RSL24D1: variants seen among roughly 807,000 people sequenced by gnomAD.
RSL24D1 encodes the protein probable ribosome biogenesis protein RLP24.
RSL24D1 carries 6 observed loss-of-function variants against 26.2 expected under a neutral mutation model. That is an observed-to-expected ratio of 0.23 (90% CI 0.13 to 0.45). The LOEUF (loss-of-function observed/expected upper bound fraction) is 0.45. Ranked by LOEUF, RSL24D1 falls within the 20% of genes least tolerant of loss-of-function variation. RSL24D1 has a pLI of 0.99. For missense variants in RSL24D1, 176 were observed against 202.6 expected (o/e 0.87, Z 0.80); for synonymous variants, 61 against 59.1 (o/e 1.03, Z -0.15).
Position 55,182,225 on chromosome 15 carries a change from C to G in RSL24D1, c.419G>C (p.Gly140Ala), listed in dbSNP as rs1458479049. The G allele has an allele frequency of 6.3e-7, 1 of 1,591,096 alleles. No homozygotes were observed. The highest frequency in any genetic ancestry group is 8.6e-7 in the Non-Finnish European group (1 of 1,160,014). ...NIHLIRAPLA[G>A]KGKQLEEKMV... ...TTTCTCTTCCAACTGTTTCCCTTTG[C>G]CTTTAATAAAAATAAGTAAAAAATA... The change falls in exon 6 of 6, where the codon GGC becomes GCC. Residue 140 changes from glycine (G) to alanine (A), a missense_variant and splice_region_variant. Coordinates refer to ENST00000260443, the MANE Select transcript of RSL24D1 (RefSeq NM_016304.3).
At position 55,181,110 on chromosome 15, in the gene RSL24D1, T is replaced by G. The variant is rs1894161252; in HGVS notation, c.*1042A>C. The G allele has an allele frequency of 6.6e-6, 1 of 152,170 alleles. No individual in the cohort carries two copies. Among genetic ancestry groups the G allele is most frequent in the South Asian group, 2.1e-4 (1 of 4,828 alleles). The allele number at this position is 152,170 out of a possible 1,614,324, so 9.4% of individuals were successfully genotyped here. A position where few individuals can be genotyped will look rare whatever the true frequency, so the allele number is the denominator to read the frequency against. On this transcript the variant is annotated 3_prime_UTR_variant, in exon 6 of 6. Transcript: ENST00000260443. ...AAACTCTACCCTAAAAAAACCATTATGCAAACTGATCGTTACTTAATGTAT... is the reference window on the plus strand; with the variant it reads ...AAACTCTACCCTAAAAAAACCATTAGGCAAACTGATCGTTACTTAATGTAT...
rs1008582848 is a variant in RSL24D1 at position 55,189,554 on chromosome 15, G to A, written c.268+1421C>T. On this transcript the variant is annotated intron_variant, in intron 3 of 5. Coordinates refer to ENST00000260443, the MANE Select transcript of RSL24D1 (RefSeq NM_016304.3). ...TTTAGAACAAGCTTGACCAACCCAC[G>A]GCCCAATATAAATTCGTAAACTTTC... Among the ~76,000 whole-genome samples the A allele has an allele frequency of 1.2e-4, 19 of 152,212 alleles. 1 individual carries two copies. The highest frequency in any genetic ancestry group is 7.8e-4 in the Admixed American group (12 of 15,296).
rs536573591 is a variant in RSL24D1, at chr15:55,181,144, C to G, written c.*1008G>C. 1.3e-5 allele frequency: 2 copies of G among 152,270 alleles called. No individual in the cohort carries two copies. Among genetic ancestry groups the G allele is most frequent in the South Asian group, 4.1e-4 (2 of 4,828 alleles). The allele number at this position is 152,270 out of a possible 1,614,324, so 9.4% of individuals were successfully genotyped here. ...ATCGTTACTTAATGTATTTAACATA[C>G]TTAAAACTGTAAACAATGTAAAAAC... is the stretch of plus-strand genomic sequence containing the variant. On this transcript the variant is annotated 3_prime_UTR_variant, in exon 6 of 6. Transcript: ENST00000260443.
chr15:55,192,553 T>C (rs560256172), intron 2 of RSL24D1, 167 bp downstream of exon 2: 14 of 479,238 alleles, frequency 2.9e-5, no homozygotes, highest in Non-Finnish European at 4.9e-5. Context: ...GAATTACAGT[T>C]TTAAGGATCA....
rs189715096 is a variant in RSL24D1, at chr15:55,183,314, C to T, written c.418+1G>A. On this transcript the variant is annotated splice_donor_variant, in intron 5 of 5. Transcript: ENST00000260443. LOFTEE classifies it high-confidence loss of function. ...ATCTAGATGTGCAATGTAGTACTCA[C>T]CTGCAAGAGGGGCTCGGATAAGATG... is the stretch of plus-strand genomic sequence containing the variant. The T allele has an allele frequency of 6.2e-7, 1 of 1,610,832 alleles. No individual in the cohort carries two copies.
In RSL24D1 at chr15:55,181,289, T is replaced by G. The variant is rs1894163271; in HGVS notation, c.*863A>C. The G allele has an allele frequency of 6.6e-6, 1 of 152,588 alleles. No homozygotes were observed. Among genetic ancestry groups the G allele is most frequent in the African/African-American group, 2.4e-5 (1 of 41,468 alleles). The allele number at this position is 152,588 out of a possible 1,614,324, so 9.5% of individuals were successfully genotyped here. ...ATCAATATTTCATATCTTTGTTTAG[T>G]GCCTTTAAAGAATAAATATCAGCAT... is the stretch of plus-strand genomic sequence containing the variant. On this transcript the variant is annotated 3_prime_UTR_variant, in exon 6 of 6. Transcript: ENST00000260443.
chr15:55,189,688 T>A (rs1203348834), intron 3 of RSL24D1, among the ~76,000 whole-genome samples: 1 of 152,208 alleles, frequency 6.6e-6, no homozygotes, highest in South Asian at 2.1e-4. Flanking sequence ...TCTTCCAATG[T>A]GGCCCAGGGA....
intron 1 of RSL24D1, chr15:55,196,596 T>A (rs1595655215): frequency 1.7e-6 from 1 of 597,700 alleles, no homozygotes; most frequent in South Asian, 2.0e-5. Context: ...CACCCAAGGG[T>A]GGCGTGGTGG....
Position 55,182,283 on chromosome 15 carries a change from C to G in RSL24D1, c.419-58G>C. 2.9e-6 allele frequency: 3 copies of G among 1,027,388 alleles called. 1 individual carries two copies. The East Asian group carries it at 7.4e-5, about 25-fold the overall frequency. 63.6% of individuals were successfully genotyped at this position (1,027,388 alleles called of 1,614,324 possible). A position where few individuals can be genotyped will look rare whatever the true frequency, so the allele number is the denominator to read the frequency against. On this transcript the variant is annotated intron_variant, in intron 5 of 5. Coordinates refer to ENST00000260443, the MANE Select transcript of RSL24D1 (RefSeq NM_016304.3). ...TAATTAAATGTGACCTTACAGAATTCACACCAACACTTTATAAAGGATCTT... is the reference window on the plus strand; with the variant it reads ...TAATTAAATGTGACCTTACAGAATTGACACCAACACTTTATAAAGGATCTT...
At chr15:55,183,174 C>A in intron 5 of RSL24D1, 141 bp downstream of exon 5, 1 of 599,448 alleles carries the variant, frequency 1.7e-6, no homozygotes, top group South Asian at 2.6e-5. Flanking sequence ...GGGAAATACA[C>A]TGAATAAATT....
At chr15:55,195,907 C>T (rs1595654916) in intron 1 of RSL24D1, among the ~76,000 whole-genome samples, 1 of 152,154 alleles carries the variant, frequency 6.6e-6, no homozygotes, top group Admixed American at 6.5e-5. Context: ...TTCTTAGACC[C>T]TCTTCCCCTC....
At chr15:55,188,210 A>G (rs1375494525) in intron 3 of RSL24D1, among the ~76,000 whole-genome samples, 1 of 152,250 alleles carries the variant, frequency 6.6e-6, no homozygotes, top group Non-Finnish European at 1.5e-5. Context: ...ATCTCTTAGA[A>G]GAATAATATA....
At chr15:55,185,119 T>C (rs1026794006) in intron 4 of RSL24D1, among the ~76,000 whole-genome samples, 14 of 152,194 alleles carry the variant, frequency 9.2e-5, no homozygotes, top group African/African-American at 3.4e-4. Flanking sequence ...GTTCTTATTT[T>C]TAGGTTACAC....
chr15:55,188,929 C>T (rs146348016), intron 3 of RSL24D1, among the ~76,000 whole-genome samples: 7 of 152,190 alleles, frequency 4.6e-5, no homozygotes, highest in Admixed American at 4.6e-4. Flanking sequence ...CGGAGGCTCA[C>T]GCCTGTAATC....
chr15:55,186,505 T>C (rs1346842447), intron 3 of RSL24D1, among the ~76,000 whole-genome samples: 1 of 152,154 alleles, frequency 6.6e-6, no homozygotes, highest in African/African-American at 2.4e-5. Context: ...TCTTGCCAAA[T>C]GTGCATTATC....
chr15:55,183,807 C>T (rs917255762), intron 4 of RSL24D1, among the ~76,000 whole-genome samples: 5 of 152,180 alleles, frequency 3.3e-5, no homozygotes, highest in African/African-American at 9.7e-5. Context: ...TCCTACCCTA[C>T]CACAACACTT....
chr15:55,196,337 A>G (rs1359761229), intron 1 of RSL24D1: 1 of 456,624 alleles, frequency 2.2e-6, no homozygotes, highest in South Asian at 1.5e-5. Context: ...TCCGTACAGG[A>G]CCCTCCCCAA....
In RSL24D1 at chr15:55,196,449, G is replaced by A. The variant is rs1395183463; in HGVS notation, c.81+361C>T. 1.2e-5 allele frequency: 6 copies of A among 508,994 alleles called. No homozygotes were observed. The Admixed American group carries it at 1.4e-4, about 12-fold the overall frequency. 31.5% of individuals were successfully genotyped at this position (508,994 alleles called of 1,614,324 possible). On this transcript the variant is annotated intron_variant, in intron 1 of 5. Coordinates refer to ENST00000260443, the MANE Select transcript of RSL24D1 (RefSeq NM_016304.3). Reference sequence around the variant, plus strand: ...ATGGACCTTAGTGTAATGCCTGACAGGGTATACACTCAACAAAGTTTACTG... The same window carrying A: ...ATGGACCTTAGTGTAATGCCTGACAAGGTATACACTCAACAAAGTTTACTG...
intron 5 of RSL24D1, 136 bp from the exon 6 acceptor site, chr15:55,182,361 C>T (rs1480091310): frequency 1.6e-6 from 1 of 627,636 alleles, no homozygotes; most frequent in Non-Finnish European, 2.9e-6. Context: ...AGTAGCTAAA[C>T]TAACATAGGT....
Sources: allele counts gnomAD v4.1 joint callset (sites outside exome capture counted in the v4.1 genomes callset), GRCh38; gene constraint gnomAD v4.1.1; transcripts MANE v1.5; gene names NCBI Gene and HGNC (gene_info 2026-07-23, HGNC 2026-07-21).